Variants in PDS5B observed in about 807,000 individuals in gnomAD.
PDS5B encodes the protein PDS5 cohesin associated factor B.
A neutral mutation model predicts 184.1 loss-of-function variants in PDS5B; 51 were observed. The observed-to-expected ratio is 0.28, with a 90% CI of 0.22 to 0.35. The LOEUF is 0.35. PDS5B is among the 10% of genes least tolerant of loss of function. PDS5B has a pLI of 1.00. For missense variants in PDS5B, 1,180 were observed against 1,723.3 expected (o/e 0.68, Z 5.58); for synonymous variants, 566 against 569.2 (o/e 0.99, Z 0.08).
intron 1 of PDS5B, among the ~76,000 whole-genome samples, chr13:32,630,537 A>C (rs2058438319): frequency 6.6e-6 from 1 of 152,190 alleles, no homozygotes; most frequent in Non-Finnish European, 1.5e-5. Flanking sequence ...AGAAGCCCTG[A>C]TGTAGAGGAA....
Position 32,622,645 on chromosome 13 carries a change from C to T in PDS5B, c.-19-26109C>T, listed in dbSNP as rs192762309. Among the ~76,000 whole-genome samples, 20 of 152,110 alleles carry T rather than the reference C, an allele frequency of 1.3e-4. No individual in the cohort carries two copies. In the South Asian group the frequency reaches 1.5e-3, roughly 11 times the overall value. ...AGATGTGTTAAAACTTGTACTGTGC[C>T]GGTGGACATGTTGGTTTGTCCCTCC... On this transcript the variant is annotated intron_variant, in intron 1 of 34. Transcript: ENST00000315596.
chr13:32,712,159 A>G (rs553460410), intron 19 of PDS5B, among the ~76,000 whole-genome samples: 5 of 152,322 alleles, frequency 3.3e-5, no homozygotes, highest in Admixed American at 6.5e-5. Context: ...TAACTTTTAT[A>G]TTTTAAAGAA....
chr13:32,658,406 C>T (rs960891662), intron 4 of PDS5B, 28 bp from the exon 5 acceptor site: 6 of 1,462,976 alleles, frequency 4.1e-6, no homozygotes, highest in Non-Finnish European at 5.7e-6. Context: ...AAATGCTTAA[C>T]TTTCACTTTT....
rs765637220 is a variant in PDS5B, at chr13:32,759,651, T to C, written c.3333T>C (p.Tyr1111=). ...PDKNFSNTKN[Y]LPPEMKSFFT... ...AGAATTTCAGTAACACCAAAAATTA[T>C]CTGCCTCCTGAAATGAAATCATTTT... Residue 1111 remains tyrosine, a synonymous_variant, in exon 29 of 35, where the codon TAT becomes TAC. Coordinates refer to ENST00000315596, the MANE Select transcript of PDS5B (RefSeq NM_015032.4). 1.3e-6 allele frequency: 2 copies of C among 1,567,052 alleles called. No homozygotes were observed. The highest frequency in any genetic ancestry group is 1.7e-6 in the Non-Finnish European group (2 of 1,146,526).
rs139234019 is a variant in PDS5B, at chr13:32,601,586, T to A, written c.-20+14993T>A. 3.4e-3 allele frequency among the ~76,000 whole-genome samples: 521 copies of A among 152,326 alleles called. 5 individuals are homozygous for A. Among genetic ancestry groups the A allele is most frequent in the African/African-American group, 0.011 (465 of 41,574 alleles). ...TGATACTGGAAGAAAATATCATTTT[T>A]CAGCTGTCTTTGACCTTTACCCCTC... On this transcript the variant is annotated intron_variant, in intron 1 of 34. Coordinates refer to ENST00000315596, the MANE Select transcript of PDS5B (RefSeq NM_015032.4).
intron 3 of PDS5B, among the ~76,000 whole-genome samples, chr13:32,653,676 G>A (rs1382558332): frequency 2.0e-5 from 3 of 152,136 alleles, no homozygotes; most frequent in Non-Finnish European, 2.9e-5. Flanking sequence ...GAGAATGGTC[G>A]GAGACTTAAA....
chr13:32,605,234 G>T (rs1202836146), intron 1 of PDS5B, among the ~76,000 whole-genome samples: 1 of 152,140 alleles, frequency 6.6e-6, no homozygotes, highest in Non-Finnish European at 1.5e-5. Context: ...GCTACACCCT[G>T]CTTTAAATGT....
intron 3 of PDS5B, 36 bp from the exon 4 acceptor site, chr13:32,658,203 A>G: frequency 4.2e-6 from 4 of 955,836 alleles, no homozygotes; most frequent in South Asian, 1.4e-5. Context: ...TTTAGCGTTC[A>G]TAATCTAAAT....
At chr13:32,672,171 G>A (rs1488914242) in intron 7 of PDS5B, among the ~76,000 whole-genome samples, 1 of 152,124 alleles carries the variant, frequency 6.6e-6, no homozygotes, top group African/African-American at 2.4e-5. Flanking sequence ...AAAGGATTAG[G>A]AAGAGGTAGT....
At chr13:32,756,842 G>C (rs1037838111) in intron 26 of PDS5B, among the ~76,000 whole-genome samples, 1 of 152,036 alleles carries the variant, frequency 6.6e-6, no homozygotes, top group African/African-American at 2.4e-5. Context: ...AATTAGTTCG[G>C]CCAGGCCTGG....
At position 32,717,512 on chromosome 13, in the gene PDS5B, C is replaced by T. The variant is rs1441773924; in HGVS notation, c.2123+7406C>T. ...AGGCAGCATGCTCGTTAAGAGTCATCACCACTCCCTAATCTCAAGTACCCA... is the reference window on the plus strand; with the variant it reads ...AGGCAGCATGCTCGTTAAGAGTCATTACCACTCCCTAATCTCAAGTACCCA... On this transcript the variant is annotated intron_variant, in intron 19 of 34. Coordinates refer to ENST00000315596, the MANE Select transcript of PDS5B (RefSeq NM_015032.4). Among the ~76,000 whole-genome samples the T allele has an allele frequency of 3.6e-5, 5 of 137,574 alleles. No individual in the cohort carries two copies. In the South Asian group the frequency reaches 7.3e-4, roughly 20 times the overall value. 90.3% of individuals were successfully genotyped at this position (137,574 alleles called of 152,430 possible). A position where few individuals can be genotyped will look rare whatever the true frequency, so the allele number is the denominator to read the frequency against.
chr13:32,685,348 T>C (rs1387626161), intron 11 of PDS5B, among the ~76,000 whole-genome samples: 1 of 152,222 alleles, frequency 6.6e-6, no homozygotes, highest in Non-Finnish European at 1.5e-5. Flanking sequence ...GGAAAGGATA[T>C]TTGCATTGTT....
In PDS5B at chr13:32,742,719, G is replaced by A. The variant is rs1156558265; in HGVS notation, c.2604G>A (p.Gly868=). 1 of 1,611,548 alleles carries A rather than the reference G, an allele frequency of 6.2e-7. No homozygotes were observed. Among genetic ancestry groups the A allele is most frequent in the Non-Finnish European group, 8.5e-7 (1 of 1,178,430 alleles). ...GTGATGGAGACTTGACAGAACAGGG[G>A]AAAATTAGGTATGCAATTACTATTT... ...LHSDGDLTEQ[G]KISKPDMSRL... Residue 868 remains glycine (G), a synonymous_variant, in exon 23 of 35, where the codon GGG becomes GGA. Transcript: ENST00000315596.
In PDS5B at chr13:32,758,590, A is replaced by G. The variant is rs774532596; in HGVS notation, c.3246A>G (p.Thr1082=). 3.1e-6 allele frequency: 5 copies of G among 1,611,716 alleles called. No homozygotes were observed. The highest frequency in any genetic ancestry group is 3.4e-6 in the Non-Finnish European group (4 of 1,177,998). ...ATATCATCATGTCAAAGAGTACTAC[A>G]TACAGTTTGGAATCTCCTAAAGACC... The part of the protein sequence containing the change: ...AMNIIMSKST[T]YSLESPKDPV... Residue 1082 remains threonine, a synonymous_variant, in exon 28 of 35, where the codon ACA becomes ACG. Coordinates refer to ENST00000315596, the MANE Select transcript of PDS5B (RefSeq NM_015032.4).
At chr13:32,768,947 CA>C (rs770324221) in intron 31 of PDS5B, among the ~76,000 whole-genome samples, 33,752 of 84,780 alleles carry the variant, frequency 0.4, 4,568 homozygotes, top group Non-Finnish European at 0.45. Context: ...TAAAAAAATA[CA>C]AAAAAAAAAA....
intron 8 of PDS5B, 45 bp downstream of exon 8, chr13:32,673,401 A>C (rs1368186361): frequency 6.6e-7 from 1 of 1,506,874 alleles, no homozygotes; most frequent in Non-Finnish European, 9.1e-7. Context: ...AGTTATTAGC[A>C]AAGAGCATTA....
chr13:32,604,788 T>C (rs2058034560), intron 1 of PDS5B, among the ~76,000 whole-genome samples: 1 of 152,236 alleles, frequency 6.6e-6, no homozygotes, highest in African/African-American at 2.4e-5. Flanking sequence ...AACTTCTTCC[T>C]GGTTTAGTCT....
At chr13:32,713,620 CT>C (rs1952275827) in intron 19 of PDS5B, among the ~76,000 whole-genome samples, 1 of 151,942 alleles carries the variant, frequency 6.6e-6, no homozygotes. Flanking sequence ...TTGAGGAAAT[CT>C]GCATAGAATA....
intron 1 of PDS5B, among the ~76,000 whole-genome samples, chr13:32,635,170 GTTTTTTTTTTTTTTTTTTTTTTTTT>G (rs71071054): frequency 1.6e-3 from 127 of 81,112 alleles, no homozygotes; most frequent in East Asian, 4.8e-3. Flanking sequence ...AGCCAATTAC[GTTTTTTTTTTTTTTTTTTTTTTTTT>G]TTTTTTTTTT....
Sources: allele counts gnomAD v4.1 joint callset (sites outside exome capture counted in the v4.1 genomes callset), GRCh38; gene constraint gnomAD v4.1.1; transcripts MANE v1.5; gene names NCBI Gene and HGNC (gene_info 2026-07-23, HGNC 2026-07-21).